CLEC4M: variants seen among roughly 807,000 people sequenced by gnomAD.
CLEC4M encodes C-type lectin domain family 4 member M.
CLEC4M carries 25 observed loss-of-function variants against 39.1 expected under a neutral mutation model. That is an observed-to-expected ratio of 0.64 (90% CI 0.47 to 0.89). CLEC4M has a LOEUF of 0.89. CLEC4M is among the 40% of genes least tolerant of loss of function. The probability of loss-of-function intolerance (pLI) is 0.00; values close to 1 mark genes in which losing one functional copy is unlikely to be tolerated. For synonymous variants in CLEC4M, 155 were observed against 177.4 expected, an observed-to-expected ratio of 0.87 and a Z score of 1.00; for missense variants, 353 against 431.4, an observed-to-expected ratio of 0.82 and a Z score of 1.61.
intron 2 of CLEC4M, among the ~76,000 whole-genome samples, chr19:7,764,255 G>T (rs113029049): frequency 6.6e-6 from 1 of 152,104 alleles, no homozygotes; most frequent in Non-Finnish European, 1.5e-5. Flanking sequence ...TTACAGAAGC[G>T]AGAAACAAAG....
At chr19:7,767,687 C>A in intron 6 of CLEC4M, 59 bp downstream of exon 6, 2 of 1,466,636 alleles carry the variant, frequency 1.4e-6, no homozygotes, top group Non-Finnish European at 1.9e-6. Context: ...GCAACTCTGA[C>A]TTGAGCTTTC....
At position 7,768,851 on chromosome 19, in the gene CLEC4M, T is replaced by C. The variant is rs1254208085; in HGVS notation, c.1063T>C (p.Trp355Arg). ...TGGGCTTTGCAGCTTCCAGCGGTAC[T>C]GGAACAGTGGAGAACCCAACAATAG... is the stretch of plus-strand genomic sequence containing the variant. ...SPLSPSFQRYWNSGEPNNSGN... is the reference protein window; with the variant it reads ...SPLSPSFQRYRNSGEPNNSGN... The change falls in exon 7 of 7, where the codon TGG becomes CGG. Residue 355 changes from tryptophan (W) to arginine (R), a missense_variant. By Grantham distance (101) the Trp-to-Arg change is moderately radical. Around this residue, in one of 4 missense-constraint regions of CLEC4M, gnomAD observed 196 missense variants for 211.7 expected, o/e 0.93. Coordinates refer to ENST00000327325, the MANE Select transcript of CLEC4M (RefSeq NM_014257.5). The C allele has an allele frequency of 1.2e-6, 2 of 1,614,086 alleles. No individual in the cohort carries two copies. Among genetic ancestry groups the C allele is most frequent in the Admixed American group, 1.7e-5 (1 of 60,014 alleles).
At chr19:7,765,363 C>G in intron 3 of CLEC4M, 95 bp downstream of exon 3, 1 of 1,420,204 alleles carries the variant, frequency 7.0e-7, no homozygotes, top group South Asian at 1.2e-5. Context: ...GGAGGTGGGA[C>G]TGAGAGCCAA....
intron 6 of CLEC4M, 99 bp from the exon 7 acceptor site, chr19:7,768,739 C>A: frequency 1.4e-6 from 2 of 1,393,976 alleles, no homozygotes; most frequent in Non-Finnish European, 2.0e-6. Flanking sequence ...CCAGCATACA[C>A]ATGTAGGGCA....
Position 7,769,119 on chromosome 19 carries a change from C to G in CLEC4M, c.*131C>G. The G allele has an allele frequency of 1.2e-6, 1 of 863,402 alleles. No homozygotes were observed. The highest frequency in any genetic ancestry group is 1.8e-6 in the Non-Finnish European group (1 of 567,436). The allele number at this position is 863,402 out of a possible 1,614,324, so 53.5% of individuals were successfully genotyped here. A position where few individuals can be genotyped will look rare whatever the true frequency, so the allele number is the denominator to read the frequency against. Reference sequence around the variant, plus strand: ...GACGGTTCTCTGTTCGATTTTTCATCCCCTATGAACCTGGGTCTTATTCTG... The same window carrying G: ...GACGGTTCTCTGTTCGATTTTTCATGCCCTATGAACCTGGGTCTTATTCTG... On this transcript the variant is annotated 3_prime_UTR_variant, in exon 7 of 7. Transcript: ENST00000327325.
At position 7,768,833 on chromosome 19, in the gene CLEC4M, T is replaced by C; in HGVS notation, c.1050-5T>C. 6.2e-7 allele frequency: 1 copy of C among 1,613,672 alleles called. No individual in the cohort carries two copies. The highest frequency in any genetic ancestry group is 1.7e-4 in the Middle Eastern group (1 of 6,060). ...AGAGGCTCACATTCTGCATGGGCTT[T>C]GCAGCTTCCAGCGGTACTGGAACAG... is the stretch of plus-strand genomic sequence containing the variant. On this transcript the variant is annotated splice_polypyrimidine_tract_variant and splice_region_variant and intron_variant, in intron 6 of 6. Transcript: ENST00000327325.
chr19:7,769,024 T>G lies in CLEC4M; in HGVS notation c.*36T>G, dbSNP rs1406671292. 1.4e-5 allele frequency: 22 copies of G among 1,603,328 alleles called. No individual in the cohort carries two copies. Among genetic ancestry groups the G allele is most frequent in the Non-Finnish European group, 1.8e-5 (21 of 1,172,672 alleles). ...GCTAGCCTCAGCCTCCATTGTGGTA[T>G]AGCAGAACTTCACCCACTTGTAAGC... On this transcript the variant is annotated 3_prime_UTR_variant, in exon 7 of 7. Transcript: ENST00000327325.
chr19:7,767,847 G>A (rs2034347853), intron 6 of CLEC4M: 1 of 521,390 alleles, frequency 1.9e-6, no homozygotes, highest in Non-Finnish European at 3.5e-6. Flanking sequence ...AGCTTGCCCT[G>A]TGGGTAGGTG....
rs1245286229 is a variant in CLEC4M, at chr19:7,765,645, G to A, written c.222G>A (p.Lys74=). ...CTTTTCTTCTTGGCCCAGTGTCCAA[G>A]GTCCCCAGCTCCCTAAGTCAGGAAC... ...VLVAILVQVS[K]VPSSLSQEQS... is the part of the protein sequence containing the mutation. Residue 74 remains lysine (K), a synonymous_variant, in exon 4 of 7, where the codon AAG becomes AAA. Coordinates refer to ENST00000327325, the MANE Select transcript of CLEC4M (RefSeq NM_014257.5). 1 of 1,614,190 alleles carries A rather than the reference G, an allele frequency of 6.2e-7. No individual in the cohort carries two copies. The highest frequency in any genetic ancestry group is 1.1e-5 in the South Asian group (1 of 91,086).
rs778660811 is a variant in CLEC4M at position 7,768,845 on chromosome 19, C to T, written c.1057C>T (p.Arg353Trp). The stretch of plus-strand genomic sequence containing the variant: ...TCTGCATGGGCTTTGCAGCTTCCAG[C>T]GGTACTGGAACAGTGGAGAACCCAA... ...DGSPLSPSFQ[R>W]YWNSGEPNNS... Residue 353 changes from arginine to tryptophan, a missense_variant, in exon 7 of 7, where the codon CGG (arginine) becomes TGG (tryptophan). This residue lies in a region of CLEC4M where 196 missense variants were observed against 211.7 expected (regional missense o/e 0.93). Transcript: ENST00000327325. 9.3e-6 allele frequency: 15 copies of T among 1,613,456 alleles called. No individual in the cohort carries two copies. The African/African-American group carries it at 1.3e-4, about 14-fold the overall frequency.
rs777729164 is a variant in CLEC4M at position 7,763,518 on chromosome 19, C to T, written c.130+42C>T. The T allele has an allele frequency of 1.0e-5, 16 of 1,552,928 alleles. No homozygotes were observed. In the East Asian group the frequency reaches 3.1e-4, roughly 30 times the overall value. On this transcript the variant is annotated intron_variant, in intron 2 of 6. Coordinates refer to ENST00000327325, the MANE Select transcript of CLEC4M (RefSeq NM_014257.5). ...GAGCAGATAGTGGAAGACAGAGCCT[C>T]CCAGACCCCTGGGTCCTGGGGAGGT...
chr19:7,765,109 A>T, intron 2 of CLEC4M, 76 bp from the exon 3 acceptor site: 1 of 1,518,384 alleles, frequency 6.6e-7, no homozygotes, highest in East Asian at 2.3e-5. Context: ...TGGGGTGCTG[A>T]GGGATTAGGC....
chr19:7,766,251 C>T (rs762589615), intron 4 of CLEC4M, 44 bp downstream of exon 4: 3 of 1,609,338 alleles, frequency 1.9e-6, no homozygotes, highest in Non-Finnish European at 2.5e-6. Context: ...GAGATGGTCT[C>T]TGTGTGATGT....
At chr19:7,768,359 A>G in intron 6 of CLEC4M, 1 of 154,808 alleles carries the variant, frequency 6.5e-6, no homozygotes, top group Admixed American at 6.3e-5. Context: ...GTAGATCACG[A>G]GGTCAAGAGA....
At position 7,769,218 on chromosome 19, in the gene CLEC4M, C is replaced by T. The variant is rs1599529954; in HGVS notation, c.*230C>T. On this transcript the variant is annotated 3_prime_UTR_variant, in exon 7 of 7. Transcript: ENST00000327325. ...CCCATCCTTGGAGCTTTATAAGTGA[C>T]CTGAGTGGGATGCATTTAGGGGGCG... The T allele has an allele frequency of 1.3e-5, 6 of 449,058 alleles. No individual in the cohort carries two copies. The East Asian group carries it at 2.3e-4, about 17-fold the overall frequency. 27.8% of individuals were successfully genotyped at this position (449,058 alleles called of 1,614,324 possible). A position where few individuals can be genotyped will look rare whatever the true frequency, so the allele number is the denominator to read the frequency against.
At chr19:7,764,110 T>G (rs2034139048) in intron 2 of CLEC4M, among the ~76,000 whole-genome samples, 1 of 151,540 alleles carries the variant, frequency 6.6e-6, no homozygotes, top group Admixed American at 6.6e-5. Flanking sequence ...GAGGAGGATT[T>G]ATTATTATTA....
Position 7,766,801 on chromosome 19 carries a change from G to T in CLEC4M, c.930G>T (p.Glu310Asp). 1 of 1,614,262 alleles carries T rather than the reference G, an allele frequency of 6.2e-7. No homozygotes were observed. Among genetic ancestry groups the T allele is most frequent in the Non-Finnish European group, 8.5e-7 (1 of 1,180,050 alleles). Residue 310 changes from glutamate (E) to aspartate (D), a missense_variant, in exon 5 of 7, where the codon GAG becomes GAT. This residue lies in a region of CLEC4M where 196 missense variants were observed against 211.7 expected (regional missense o/e 0.93). Transcript: ENST00000327325. The part of the protein sequence containing the change: ...RAQLVVIKTA[E>D]EQNFLQLQTS... ...AGCTCGTCGTAATCAAAACTGCTGA[G>T]GAGCAGGTACACGTGGTGGGGGTCC...
At chr19:7,764,916 G>A (rs1377170616) in intron 2 of CLEC4M, among the ~76,000 whole-genome samples, 1 of 152,112 alleles carries the variant, frequency 6.6e-6, no homozygotes, top group Non-Finnish European at 1.5e-5. Flanking sequence ...TGTTCCACTG[G>A]GGAGGTGGAC....
rs1249985368 is a variant in CLEC4M at position 7,766,947 on chromosome 19, G to C, written c.936+140G>C. ...GGAAGAGAAGGATATGAATGAAGGG[G>C]TCCCAGGTACCCTTCAAGCAAATAC... On this transcript the variant is annotated intron_variant, in intron 5 of 6. Transcript: ENST00000327325. The C allele has an allele frequency of 5.8e-5, 83 of 1,421,886 alleles. No homozygotes were observed. The East Asian group carries it at 1.8e-3, about 32-fold the overall frequency. 88.1% of individuals were successfully genotyped at this position (1,421,886 alleles called of 1,614,324 possible). A position where few individuals can be genotyped will look rare whatever the true frequency, so the allele number is the denominator to read the frequency against.
Sources: allele counts gnomAD v4.1 joint callset (sites outside exome capture counted in the v4.1 genomes callset), GRCh38; gene constraint gnomAD v4.1.1; regional missense constraint gnomAD v4.1.1; transcripts MANE v1.5; gene names NCBI Gene and HGNC (gene_info 2026-07-23, HGNC 2026-07-21).